The following SPATA6 variants were observed in gnomAD, a reference collection of about 807,000 sequenced individuals.
SPATA6 encodes the protein spermatogenesis associated 6.
A neutral mutation model predicts 65.3 loss-of-function variants in SPATA6; 56 were observed. The ratio of observed to expected loss-of-function variants is 0.86; its 90% CI spans 0.69 to 1.07. SPATA6 has a LOEUF of 1.07. Ranked by LOEUF, SPATA6 falls within the 50% of genes least tolerant of loss-of-function variation. SPATA6 has a pLI of 0.00. For missense variants in SPATA6, 590 were observed against 594.8 expected (o/e 0.99, Z 0.08); for synonymous variants, 199 against 213.2 (o/e 0.93, Z 0.58).
chr1:48,451,831 A>G (rs1355027500), intron 2 of SPATA6, among the ~76,000 whole-genome samples: 1 of 152,086 alleles, frequency 6.6e-6, no homozygotes, highest in Non-Finnish European at 1.5e-5. Flanking sequence ...TGTTACCATG[A>G]TCATACCAGG....
At chr1:48,367,952 T>C (rs1479077698) in intron 9 of SPATA6, among the ~76,000 whole-genome samples, 2 of 152,346 alleles carry the variant, frequency 1.3e-5, no homozygotes, top group Non-Finnish European at 2.9e-5. Flanking sequence ...CCTTTCCATG[T>C]TTAGTGCTTC....
chr1:48,295,000 T>C (rs1644791796), downstream of SPATA6, among the ~76,000 whole-genome samples: 1 of 152,218 alleles, frequency 6.6e-6, no homozygotes, highest in Non-Finnish European at 1.5e-5. Context: ...AAATACACTT[T>C]TTGTTTTCAT....
At position 48,298,400 on chromosome 1, in the gene SPATA6, A is replaced by G. The variant is rs956647227; in HGVS notation, c.*313T>C. On this transcript the variant is annotated 3_prime_UTR_variant, in exon 13 of 13. Transcript: ENST00000371847. ...GTAAGGCAAAAAAAACATTTCTAGA[A>G]AGGAACTATTCTTGGATTTGCAGAT... 4 of 188,128 alleles carry G rather than the reference A, an allele frequency of 2.1e-5. No individual in the cohort carries two copies. The highest frequency in any genetic ancestry group is 9.3e-5 in the African/African-American group (4 of 43,024). The allele number at this position is 188,128 out of a possible 1,614,324, so 11.7% of individuals were successfully genotyped here. A position where few individuals can be genotyped will look rare whatever the true frequency, so the allele number is the denominator to read the frequency against.
At chr1:48,366,997 C>G (rs1647041749) in intron 9 of SPATA6, among the ~76,000 whole-genome samples, 1 of 152,066 alleles carries the variant, frequency 6.6e-6, no homozygotes, top group Admixed American at 6.6e-5. Flanking sequence ...TATGTTGTGT[C>G]TTTGTTCTCG....
intron 3 of SPATA6, among the ~76,000 whole-genome samples, chr1:48,415,534 C>T (rs780275173): frequency 2.6e-5 from 4 of 151,510 alleles, no homozygotes; most frequent in Non-Finnish European, 5.9e-5. Context: ...ATGAAGAATG[C>T]CTTTGATGAA....
At chr1:48,470,642 A>C (rs1658167982) in intron 1 of SPATA6, among the ~76,000 whole-genome samples, 1 of 152,052 alleles carries the variant, frequency 6.6e-6, no homozygotes, top group Non-Finnish European at 1.5e-5. Context: ...GACCTAAAAC[A>C]GTCCTGTGAT....
At position 48,443,106 on chromosome 1, in the gene SPATA6, T is replaced by G. The variant is rs1655676991; in HGVS notation, c.238+8446A>C. ...GAAAATCGCCTAACAATTGGTCTGC[T>G]CCAACGTGCCACTTGTTGGCACTCA... On this transcript the variant is annotated intron_variant, in intron 3 of 12. Coordinates refer to ENST00000371847, the MANE Select transcript of SPATA6 (RefSeq NM_019073.4). Among the ~76,000 whole-genome samples the G allele has an allele frequency of 2.0e-5, 3 of 152,328 alleles. No individual in the cohort carries two copies. The South Asian group carries it at 6.2e-4, about 32-fold the overall frequency.
At chr1:48,456,403 A>G (rs1352118258) in intron 1 of SPATA6, among the ~76,000 whole-genome samples, 1 of 152,234 alleles carries the variant, frequency 6.6e-6, no homozygotes, top group Non-Finnish European at 1.5e-5. Flanking sequence ...AAAGGGAGGG[A>G]GCTCTGATTT....
intron 9 of SPATA6, among the ~76,000 whole-genome samples, chr1:48,367,377 T>C (rs931153128): frequency 6.6e-6 from 1 of 152,176 alleles, no homozygotes; most frequent in Non-Finnish European, 1.5e-5. Flanking sequence ...CGTTAATCTG[T>C]CTAATGTTGA....
intron 3 of SPATA6, among the ~76,000 whole-genome samples, chr1:48,422,077 A>C (rs1048191532): frequency 2.6e-5 from 4 of 152,218 alleles, no homozygotes; most frequent in Admixed American, 2.0e-4. Flanking sequence ...TGGAATAATG[A>C]AACAGGCATA....
At chr1:48,274,384 CT>C in the SPATA6 span, among the ~76,000 whole-genome samples, 1 of 152,058 alleles carries the variant, frequency 6.6e-6, no homozygotes, top group East Asian at 1.9e-4. Context: ...GTTGCCATTG[CT>C]TTTGGGGTTT....
intron 11 of SPATA6, among the ~76,000 whole-genome samples, chr1:48,337,932 T>C (rs1431552640): frequency 6.6e-6 from 1 of 151,968 alleles, no homozygotes; most frequent in African/African-American, 2.4e-5. Context: ...GTAGTCTCAA[T>C]CAAAAACTCA....
intron 9 of SPATA6, among the ~76,000 whole-genome samples, chr1:48,382,403 G>C (rs1022417254): frequency 1.4e-5 from 2 of 139,182 alleles, no homozygotes; most frequent in East Asian, 2.3e-4. Flanking sequence ...TTCCCAGTAG[G>C]GGCGGCCGGG....
chr1:48,398,342 TAA>T lies in SPATA6; in HGVS notation c.780+1007_780+1008del, dbSNP rs1650804333. ...AATACAGGTGGAATGAAATGTTGCT[TAA>T]GACAATATTTAAATTGTTTTAAAAA... On this transcript the variant is annotated intron_variant, in intron 7 of 12. Coordinates refer to ENST00000371847, the MANE Select transcript of SPATA6 (RefSeq NM_019073.4). Among the ~76,000 whole-genome samples the T allele has an allele frequency of 3.3e-5, 5 of 151,822 alleles. No individual in the cohort carries two copies. In the South Asian group the frequency reaches 1.0e-3, roughly 31 times the overall value.
chr1:48,338,193 G>C (rs1646112294), intron 11 of SPATA6, among the ~76,000 whole-genome samples: 1 of 151,970 alleles, frequency 6.6e-6, no homozygotes, highest in African/African-American at 2.4e-5. Flanking sequence ...ACAGAATCCA[G>C]GACTATCTCC....
At chr1:48,370,151 T>C (rs963395115) in intron 9 of SPATA6, among the ~76,000 whole-genome samples, 9 of 152,202 alleles carry the variant, frequency 5.9e-5, no homozygotes, top group African/African-American at 2.2e-4. Context: ...TAATGGGAAC[T>C]AGAAAATTCA....
rs1275474074 is a variant in SPATA6 at position 48,464,010 on chromosome 1, T to C, written c.51+7948A>G. ...AATTTCACTGGATTAAAAAAAAACA[T>C]CCCAAATAACTCAACATTCAGGATT... is the stretch of plus-strand genomic sequence containing the variant. On this transcript the variant is annotated intron_variant, in intron 1 of 12. Coordinates refer to ENST00000371847, the MANE Select transcript of SPATA6 (RefSeq NM_019073.4). Among the ~76,000 whole-genome samples, 3 of 151,914 alleles carry C rather than the reference T, an allele frequency of 2.0e-5. No homozygotes were observed. In the East Asian group the frequency reaches 5.8e-4, roughly 29 times the overall value.
intron 9 of SPATA6, among the ~76,000 whole-genome samples, chr1:48,362,729 G>A (rs779857897): frequency 3.9e-5 from 6 of 151,966 alleles, no homozygotes; most frequent in Non-Finnish European, 7.4e-5. Context: ...AGGTAGAATC[G>A]AAATCAAAGC....
At chr1:48,410,956 G>A (rs1252223529) in intron 5 of SPATA6, among the ~76,000 whole-genome samples, 1 of 152,114 alleles carries the variant, frequency 6.6e-6, no homozygotes, top group Non-Finnish European at 1.5e-5. Context: ...ACTTTTATCA[G>A]ATTTATTAAA....
Sources: gnomAD v4.1 joint callset for allele counts (sites outside exome capture counted in the v4.1 genomes callset) on GRCh38, gnomAD v4.1.1 for gene constraint, MANE v1.5 for transcripts, NCBI Gene and HGNC (gene_info 2026-07-23, HGNC 2026-07-21) for gene names.